The following ZNF33B variants were observed in gnomAD, a reference collection of about 807,000 sequenced individuals.
ZNF33B encodes the protein zinc finger protein 33B, also known as zinc finger protein 11b (KOX 2).
A neutral mutation model predicts 45.8 loss-of-function variants in ZNF33B; 29 were observed. That is an observed-to-expected ratio of 0.63 (90% confidence interval 0.47 to 0.86). The LOEUF is 0.86. Ranked by LOEUF, ZNF33B falls within the 40% of genes least tolerant of loss-of-function variation. The probability of loss-of-function intolerance (pLI) is 0.00; values close to 1 mark genes in which losing one functional copy is unlikely to be tolerated. For synonymous variants in ZNF33B, 305 were observed against 307.8 expected, an observed-to-expected ratio of 0.99 and a Z score of 0.10; for missense variants, 831 against 909.9, an observed-to-expected ratio of 0.91 and a Z score of 1.12.
chr10:42,604,834 T>C (rs1837770704), intron 4 of ZNF33B, among the ~76,000 whole-genome samples: 1 of 151,582 alleles, frequency 6.6e-6, no homozygotes, highest in South Asian at 2.1e-4. Context: ...GGCAGGAGAA[T>C]CGCTTGACCC....
At chr10:42,614,634 A>C (rs902869501) in intron 4 of ZNF33B, among the ~76,000 whole-genome samples, 1 of 152,202 alleles carries the variant, frequency 6.6e-6, no homozygotes, top group Non-Finnish European at 1.5e-5. Flanking sequence ...AAGGAGATAC[A>C]TAAATAGCCA....
chr10:42,593,944 T>C lies in ZNF33B; in HGVS notation c.1006A>G (p.Lys336Glu). The change falls in exon 5 of 5, where the codon AAA becomes GAA. Residue 336 changes from lysine (K) to glutamate (E), a missense_variant. By Grantham distance (56) the Lys-to-Glu change is moderately conservative. Transcript: ENST00000359467. ...AGATGTGACTTCTCCCAGAAAGCTT[T>C]CCCACATTCATTACATTCAAAGTGT... Reference protein sequence around the residue: ...EKHFECNECGKAFWEKSHLTR... With the variant: ...EKHFECNECGEAFWEKSHLTR... 1 of 1,614,066 alleles carries C rather than the reference T, an allele frequency of 6.2e-7. No homozygotes were observed.
intron 4 of ZNF33B, among the ~76,000 whole-genome samples, chr10:42,616,547 T>C (rs1205168194): frequency 1.3e-5 from 2 of 152,148 alleles, no homozygotes; most frequent in Non-Finnish European, 1.5e-5. Context: ...CCAACCTTTA[T>C]GTTTTATTAT....
chr10:42,578,338 G>A (rs1836777782), intron 1 of ZNF33B, among the ~76,000 whole-genome samples: 1 of 152,180 alleles, frequency 6.6e-6, no homozygotes, highest in Non-Finnish European at 1.5e-5. Flanking sequence ...ACAGCACTGG[G>A]GTATCTGGAC....
intron 4 of ZNF33B, among the ~76,000 whole-genome samples, chr10:42,602,533 G>C (rs1837672533): frequency 6.6e-6 from 1 of 152,144 alleles, no homozygotes; most frequent in African/African-American, 2.4e-5. Flanking sequence ...GTTTTACTTG[G>C]TTGGATGCTG....
chr10:42,593,318 C>A lies in ZNF33B; in HGVS notation c.1632G>T (p.Gln544His). Residue 544 changes from glutamine to histidine, a missense_variant, in exon 5 of 5, where the codon CAG becomes CAT. Coordinates refer to ENST00000359467, the MANE Select transcript of ZNF33B (RefSeq NM_006955.3). ...AGGGTTTCTCCCCTGTGTGCGTTCTCTGATGTATTGTGAGGTCTGACTTCA... is the reference window on the plus strand; with the variant it reads ...AGGGTTTCTCCCCTGTGTGCGTTCTATGATGTATTGTGAGGTCTGACTTCA... ...FCLKSDLTIH[Q>H]RTHTGEKPFA... 1 of 1,613,984 alleles carries A rather than the reference C, an allele frequency of 6.2e-7. No individual in the cohort carries two copies. The highest frequency in any genetic ancestry group is 1.1e-5 in the South Asian group (1 of 91,070).
In ZNF33B at chr10:42,591,220, G is replaced by A. The variant is rs1245736865; in HGVS notation, c.*1393C>T. The A allele has an allele frequency of 1.1e-5, 10 of 891,916 alleles. No individual in the cohort carries two copies. Among genetic ancestry groups the A allele is most frequent in the Non-Finnish European group, 1.1e-5 (8 of 745,354 alleles). 55.3% of individuals were successfully genotyped at this position (891,916 alleles called of 1,614,324 possible). On this transcript the variant is annotated 3_prime_UTR_variant, in exon 5 of 5. Transcript: ENST00000359467. ...AATGACAGTCCAACAGCCCTGGGCA[G>A]CAACTGGGCTGTATGTGTGGGCCTC... is the stretch of plus-strand genomic sequence containing the variant.
chr10:42,581,747 A>G (rs1370333110), intron 1 of ZNF33B: 1 of 152,246 alleles, frequency 6.6e-6, no homozygotes, highest in African/African-American at 2.4e-5. Context: ...GTCAACAGGT[A>G]TTGCTTGTCT....
chr10:42,613,720 C>T (rs1272206990), intron 4 of ZNF33B, among the ~76,000 whole-genome samples: 1 of 152,104 alleles, frequency 6.6e-6, no homozygotes, highest in African/African-American at 2.4e-5. Flanking sequence ...AAGAGAGATA[C>T]AGATGGTTAC....
At chr10:42,636,662 T>C (rs1445473435) in intron 2 of ZNF33B, among the ~76,000 whole-genome samples, 4 of 152,042 alleles carry the variant, frequency 2.6e-5, no homozygotes, top group African/African-American at 4.8e-5. Flanking sequence ...TCTATTAAAA[T>C]GCAAAAAATT....
chr10:42,610,157 A>C (rs1460899973), intron 4 of ZNF33B, among the ~76,000 whole-genome samples: 1 of 152,250 alleles, frequency 6.6e-6, no homozygotes, highest in African/African-American at 2.4e-5. Context: ...GAATCTACTA[A>C]AACACTATTA....
chr10:42,633,616 G>C (rs1193772690), intron 2 of ZNF33B, among the ~76,000 whole-genome samples: 1 of 152,312 alleles, frequency 6.6e-6, no homozygotes, highest in South Asian at 2.1e-4. Flanking sequence ...AACCAGGAAA[G>C]TTAGGGCAAA....
chr10:42,637,083 T>C, intron 1 of ZNF33B, 111 bp from the exon 2 acceptor site: 1 of 995,628 alleles, frequency 1.0e-6, no homozygotes, highest in Non-Finnish European at 1.5e-6. Context: ...ATGCTCCGTC[T>C]GGGAGAATAT....
intron 4 of ZNF33B, among the ~76,000 whole-genome samples, chr10:42,622,551 C>G (rs73266638): frequency 0.02 from 3,084 of 152,202 alleles, 78 homozygotes; most frequent in African/African-American, 0.063. Context: ...TGATTTTTGA[C>G]AAGGGCGTCA....
rs114420089 is a variant in ZNF33B at position 42,576,376 on chromosome 10, C to A, written c.74-1698G>T. Among the ~76,000 whole-genome samples, 727 of 152,284 alleles carry A rather than the reference C, an allele frequency of 4.8e-3. 5 individuals are homozygous for A. The highest frequency in any genetic ancestry group is 0.017 in the African/African-American group (694 of 41,552). ...TTAATATCAATAAAAATATGCAGATCTTGTTATTGAAGCTCTATGGATCTG... is the reference window on the plus strand; with the variant it reads ...TTAATATCAATAAAAATATGCAGATATTGTTATTGAAGCTCTATGGATCTG... On this transcript the variant is annotated intron_variant, in intron 1 of 1. Coordinates refer to the ZNF33B transcript ENST00000462075.
intron 4 of ZNF33B, among the ~76,000 whole-genome samples, chr10:42,606,238 G>A (rs1297001717): frequency 6.6e-6 from 1 of 151,658 alleles, no homozygotes; most frequent in African/African-American, 2.4e-5. Flanking sequence ...GCCAAGGCGG[G>A]CAGATCATCT....
chr10:42,626,321 A>T (rs1474022989), intron 4 of ZNF33B, among the ~76,000 whole-genome samples: 1 of 152,162 alleles, frequency 6.6e-6, no homozygotes, highest in Non-Finnish European at 1.5e-5. Context: ...TGGGGAGTAT[A>T]GGTCTGTAGT....
At chr10:42,636,627 G>GCC (rs1003844030) in intron 2 of ZNF33B, among the ~76,000 whole-genome samples, 2 of 152,158 alleles carry the variant, frequency 1.3e-5, no homozygotes, top group African/African-American at 4.8e-5. Context: ...TTTGCGACCA[G>GCC]CCAGGGCAAC....
At chr10:42,628,844 G>A (rs568897852) in intron 4 of ZNF33B, among the ~76,000 whole-genome samples, 1 of 152,238 alleles carries the variant, frequency 6.6e-6, no homozygotes, top group Admixed American at 6.5e-5. Context: ...AAAGTCAGGT[G>A]AGCACTTACA....
Sources: allele counts gnomAD v4.1 joint callset (sites outside exome capture counted in the v4.1 genomes callset), GRCh38; gene constraint gnomAD v4.1.1; transcripts MANE v1.5; gene names NCBI Gene and HGNC (gene_info 2026-07-23, HGNC 2026-07-21).